The following BAIAP2 variants were observed in gnomAD, a reference collection of about 807,000 sequenced individuals.
BAIAP2 encodes BAR/IMD domain containing adaptor protein 2, also known as BAR/IMD domain-containing adapter protein 2.
Under a neutral mutation model 63.0 loss-of-function variants are expected in BAIAP2, and 18 were observed. That is an observed-to-expected ratio of 0.29 (90% CI 0.20 to 0.42). BAIAP2 has a LOEUF of 0.42. Among genes scored for constraint, BAIAP2 ranks in the 10% least tolerant of loss-of-function variants. The pLI, the probability that BAIAP2 is intolerant of heterozygous loss-of-function variation, is 1.00. For synonymous variants in BAIAP2, 386 were observed against 307.6 expected, an observed-to-expected ratio of 1.25 and a Z score of -2.67; for missense variants, 610 against 734.3, an observed-to-expected ratio of 0.83 and a Z score of 1.96.
chr17:81,072,321 G>A (rs760366802), intron 3 of BAIAP2, among the ~76,000 whole-genome samples: 5 of 152,190 alleles, frequency 3.3e-5, no homozygotes, highest in East Asian at 1.9e-4. Context: ...CTCCTCCTGC[G>A]CAGCCCGGCC....
chr17:81,101,868 G>A (rs940503988), intron 7 of BAIAP2, among the ~76,000 whole-genome samples: 21 of 152,208 alleles, frequency 1.4e-4, no homozygotes, highest in African/African-American at 4.8e-4. Flanking sequence ...CAGCTGCCAG[G>A]CAGGGAGCGC....
At chr17:81,047,203 T>A (rs149917461) in intron 1 of BAIAP2, among the ~76,000 whole-genome samples, 1 of 151,878 alleles carries the variant, frequency 6.6e-6, no homozygotes. Context: ...CCAGGACCAA[T>A]TGGGAGAGAG....
At position 81,046,671 on chromosome 17, in the gene BAIAP2, T is replaced by C. The variant is rs4969360; in HGVS notation, c.55-6997T>C. Among the ~76,000 whole-genome samples the C allele has an allele frequency of 0.093, 14,111 of 152,164 alleles. 792 individuals are homozygous for C. Among genetic ancestry groups the C allele is most frequent in the South Asian group, 0.18 (848 of 4,814 alleles). On this transcript the variant is annotated intron_variant, in intron 1 of 13. Coordinates refer to ENST00000428708, the MANE Select transcript of BAIAP2 (RefSeq NM_001144888.2). The surrounding 1 kb of genome is among the most constrained non-coding windows in gnomAD (Gnocchi z 4.5). ...AGCCTGTGGCCCCCGGACAGCAAGC[T>C]CTGAGGTGTCCTCCCGCGAGGACAC...
At chr17:81,088,066 G>T (rs909930839) in intron 6 of BAIAP2, among the ~76,000 whole-genome samples, 3 of 152,012 alleles carry the variant, frequency 2.0e-5, no homozygotes, top group African/African-American at 4.8e-5. Context: ...CACTGTGTCT[G>T]TTTTTCTTCT....
At chr17:81,089,387 C>A (rs535604489) in intron 6 of BAIAP2, among the ~76,000 whole-genome samples, 21 of 152,326 alleles carry the variant, frequency 1.4e-4, no homozygotes, top group Admixed American at 9.8e-4. Context: ...ACTCGAGGGG[C>A]CTTGGCCCTG....
At chr17:81,115,561 T>G (rs2060456503) in intron 13 of BAIAP2, among the ~76,000 whole-genome samples, 1 of 152,118 alleles carries the variant, frequency 6.6e-6, no homozygotes, top group Non-Finnish European at 1.5e-5. Flanking sequence ...CTAGGGCACA[T>G]AGTGGACTTG....
intron 1 of BAIAP2, among the ~76,000 whole-genome samples, chr17:81,038,072 G>A (rs1021789782): frequency 2.0e-5 from 3 of 152,240 alleles, no homozygotes; most frequent in Non-Finnish European, 2.9e-5. Flanking sequence ...GGGCCCTGCA[G>A]GTGTTGGGAG....
Position 81,089,444 on chromosome 17 carries a change from G to A in BAIAP2, c.489+2864G>A, listed in dbSNP as rs142106595. Among the ~76,000 whole-genome samples, 14 of 152,370 alleles carry A rather than the reference G, an allele frequency of 9.2e-5. No individual in the cohort carries two copies. The East Asian group carries it at 2.7e-3, about 29-fold the overall frequency. On this transcript the variant is annotated intron_variant, in intron 6 of 13. Transcript: ENST00000428708. ...TCTGGGCAAGGGGCCGCTGCTGGGT[G>A]CCCCAGGGGCTGACTGAACCATTTG...
chr17:81,105,733 C>T lies in BAIAP2; in HGVS notation c.1269-345C>T, dbSNP rs769127091. On this transcript the variant is annotated intron_variant, in intron 10 of 13. Coordinates refer to ENST00000428708, the MANE Select transcript of BAIAP2 (RefSeq NM_001144888.2). ...CCCAGGAGGCTGCTCCATCTTTCTT[C>T]CAGTGGCCACTCCAATCTTGGTGCC... The T allele has an allele frequency of 1.6e-5, 4 of 246,428 alleles. No individual in the cohort carries two copies. In the South Asian group the frequency reaches 2.1e-4, roughly 13 times the overall value. The allele number at this position is 246,428 out of a possible 1,614,324, so 15.3% of individuals were successfully genotyped here.
chr17:81,039,972 C>T (rs765474416), intron 1 of BAIAP2, among the ~76,000 whole-genome samples: 36 of 152,254 alleles, frequency 2.4e-4, no homozygotes, highest in Middle Eastern at 3.4e-3. Context: ...ACCCCAGCGT[C>T]ACTGCAGGAG....
chr17:81,074,945 G>C (rs954299798), intron 3 of BAIAP2, among the ~76,000 whole-genome samples: 1 of 152,280 alleles, frequency 6.6e-6, no homozygotes, highest in East Asian at 1.9e-4. Context: ...AGGTTGGAAA[G>C]GTTGGGCTGG....
At chr17:81,074,579 ATGTG>A (rs1315642154) in intron 3 of BAIAP2, among the ~76,000 whole-genome samples, 1 of 130,724 alleles carries the variant, frequency 7.6e-6, no homozygotes, top group Non-Finnish European at 1.6e-5. Flanking sequence ...GCGTGCATGG[ATGTG>A]TGAGTGCCTG....
chr17:81,055,287 T>C (rs1032080287), intron 2 of BAIAP2, among the ~76,000 whole-genome samples: 5 of 105,174 alleles, frequency 4.8e-5, no homozygotes, highest in Admixed American at 2.4e-4. Context: ...CTGCCCTCCT[T>C]CTCAGCTCCC....
intron 6 of BAIAP2, among the ~76,000 whole-genome samples, chr17:81,092,322 G>T (rs532490610): frequency 1.3e-5 from 2 of 152,310 alleles, no homozygotes; most frequent in East Asian, 3.9e-4. Flanking sequence ...CGCACTGCCC[G>T]CCTCCACTGC....
intron 1 of BAIAP2, among the ~76,000 whole-genome samples, chr17:81,045,808 G>A (rs1038398334): frequency 1.3e-5 from 2 of 152,166 alleles, no homozygotes; most frequent in Non-Finnish European, 2.9e-5. Flanking sequence ...GTGGCTCTGG[G>A]GGAGTCTGGG....
In BAIAP2 at chr17:81,106,126, C is replaced by T; in HGVS notation, c.1317C>T (p.Gly439=). Residue 439 remains glycine, a synonymous_variant, in exon 11 of 14, where the codon GGC becomes GGT. Transcript: ENST00000428708. ...FSYTRVLDSD[G]SDRLHMSLQQ... ...ACACCCGGGTCTTGGACAGCGATGG[C>T]AGTGACAGGCTGCACATGAGGTGAG... is the stretch of plus-strand genomic sequence containing the variant. The T allele has an allele frequency of 6.3e-7, 1 of 1,583,824 alleles. No individual in the cohort carries two copies. The highest frequency in any genetic ancestry group is 8.6e-7 in the Non-Finnish European group (1 of 1,164,732).
At chr17:81,045,990 TGGGGGGGCTCATGGTGG>T (rs1428688518) in intron 1 of BAIAP2, among the ~76,000 whole-genome samples, 6 of 152,046 alleles carry the variant, frequency 3.9e-5, no homozygotes, top group African/African-American at 1.4e-4. Context: ...TCTCATGGCC[TGGGGGGGCTCATGGTGG>T]GGGCCCCTGG....
At chr17:81,102,454 C>T (rs2145869922) in intron 7 of BAIAP2, among the ~76,000 whole-genome samples, 1 of 152,268 alleles carries the variant, frequency 6.6e-6, no homozygotes, top group South Asian at 2.1e-4. Flanking sequence ...GTGCTTTTGG[C>T]TCTGTGGGCC....
chr17:81,050,731 G>A (rs150742072), intron 1 of BAIAP2, among the ~76,000 whole-genome samples: 1 of 17,384 alleles, frequency 5.8e-5, no homozygotes, highest in Admixed American at 4.2e-4. Context: ...ACACAAATGT[G>A]CACATGCACA....
Sources: allele counts gnomAD v4.1 joint callset (sites outside exome capture counted in the v4.1 genomes callset), GRCh38; gene constraint gnomAD v4.1.1; non-coding constraint Gnocchi (gnomAD v3.1); transcripts MANE v1.5; gene names NCBI Gene and HGNC (gene_info 2026-07-23, HGNC 2026-07-21).